Variants in BTD observed in about 807,000 individuals in gnomAD.
BTD encodes biotinidase.
In BTD, 13 loss-of-function variants were observed where a neutral mutation model predicts 17.7. That is an observed-to-expected ratio of 0.74 (90% CI 0.48 to 1.17). The LOEUF is 1.17. Ranked by LOEUF, BTD falls within the 50% of genes most tolerant of loss-of-function variation. The pLI is 0.00. For missense variants in BTD, 674 were observed against 650.4 expected (o/e 1.04, Z -0.39); for synonymous variants, 240 against 245.2 (o/e 0.98, Z 0.20).
downstream of BTD, among the ~76,000 whole-genome samples, chr3:15,716,945 G>C (rs2126125512): frequency 6.6e-6 from 1 of 152,232 alleles, no homozygotes; most frequent in Non-Finnish European, 1.5e-5. Context: ...CTGGTCAACA[G>C]AGTGAGATTC....
chr3:15,722,173 T>A (rs1377323369), exon 5 of BTD, among the ~76,000 whole-genome samples: 1 of 152,128 alleles, frequency 6.6e-6, no homozygotes, highest in Admixed American at 6.5e-5. Flanking sequence ...TCTAAGATAT[T>A]CCTGATAAAA....
intron 1 of BTD, among the ~76,000 whole-genome samples, chr3:15,626,208 A>C (rs955663784): frequency 7.2e-5 from 11 of 152,114 alleles, no homozygotes; most frequent in East Asian, 3.8e-4. Context: ...AACCTCCCCC[A>C]CCACCACCAC....
chr3:15,618,344 C>G (rs1238879218), intron 1 of BTD, among the ~76,000 whole-genome samples: 2 of 152,140 alleles, frequency 1.3e-5, no homozygotes, highest in Non-Finnish European at 2.9e-5. Flanking sequence ...ATCTATAGAT[C>G]AAGTTGTTCG....
chr3:15,711,407 C>T, exon 4 of BTD: 1 of 654,082 alleles, frequency 1.5e-6, no homozygotes, highest in Non-Finnish European at 2.6e-6. Context: ...TGCTAGAGTG[C>T]CTGTTTAAAA....
At chr3:15,676,245 A>C in intron 3 of BTD, 2 of 360,172 alleles carry the variant, frequency 5.6e-6, no homozygotes, top group Non-Finnish European at 4.9e-6. Flanking sequence ...CCTTCACCCA[A>C]TCCTTTTGTT....
chr3:15,662,560 T>C (rs2065935031), intron 3 of BTD, among the ~76,000 whole-genome samples: 1 of 152,252 alleles, frequency 6.6e-6, no homozygotes, highest in Non-Finnish European at 1.5e-5. Flanking sequence ...GTTTTACTTC[T>C]TCCTTTCTAA....
chr3:15,606,950 G>GT (rs1491063044), intron 1 of BTD: 7 of 121,534 alleles, frequency 5.8e-5, no homozygotes, highest in African/African-American at 9.7e-5. Flanking sequence ...TGTTGTTTTT[G>GT]GTTTTTTTTT....
At position 15,647,980 on chromosome 3, in the gene BTD, C is replaced by G. The variant is rs2065732980; in HGVS notation, c.*2492C>G. ...CTCAAGACACAGGCCTGTCCAGAGC[C>G]CCTGCTGAGGGAAACCCACCCAGGC... On this transcript the variant is annotated 3_prime_UTR_variant, in exon 4 of 4. Transcript: ENST00000643237. Among the ~76,000 whole-genome samples, 1 of 152,192 alleles carries G rather than the reference C, an allele frequency of 6.6e-6. No individual in the cohort carries two copies. Among genetic ancestry groups the G allele is most frequent in the Non-Finnish European group, 1.5e-5 (1 of 68,030 alleles).
rs780655352 is a variant in BTD, at chr3:15,644,932, G to T, written c.1016G>T (p.Ser339Ile). ...NATGETDPSH[S>I]KFLKILSGDP... ...ACAGGTGAAACGGACCCATCCCATA[G>T]TAAGTTTTTAAAAATTTTGTCAGGC... is the stretch of plus-strand genomic sequence containing the variant. The change falls in exon 4 of 4, where the codon AGT becomes ATT. Residue 339 changes from serine (S) to isoleucine (I), a missense_variant. Transcript: ENST00000643237. 6 of 1,614,174 alleles carry T rather than the reference G, an allele frequency of 3.7e-6. No homozygotes were observed. The highest frequency in any genetic ancestry group is 4.2e-6 in the Non-Finnish European group (5 of 1,180,028).
chr3:15,692,505 A>G (rs753435866), intron 3 of BTD, among the ~76,000 whole-genome samples: 14 of 152,192 alleles, frequency 9.2e-5, no homozygotes, highest in Non-Finnish European at 1.9e-4. Context: ...AATAAATGGG[A>G]GCCATGATGA....
downstream of BTD, chr3:15,714,714 G>T: frequency 2.4e-6 from 3 of 1,226,450 alleles, no homozygotes; most frequent in Non-Finnish European, 2.2e-6. Flanking sequence ...GTAAACCTTA[G>T]TTTTACTTTG....
chr3:15,717,245 C>T (rs1398157973), downstream of BTD, among the ~76,000 whole-genome samples: 6 of 152,078 alleles, frequency 3.9e-5, no homozygotes, highest in Admixed American at 3.9e-4. Flanking sequence ...CCGAAGGTAG[C>T]TGGGACTAAA....
chr3:15,713,646 A>C, downstream of BTD: 1 of 1,582,324 alleles, frequency 6.3e-7, no homozygotes, highest in Non-Finnish European at 8.6e-7. Context: ...CAGCTCCTGC[A>C]ATATAGGACT....
At chr3:15,601,953 C>A in intron 1 of BTD, 59 bp downstream of exon 1, 1 of 1,596,700 alleles carries the variant, frequency 6.3e-7, no homozygotes, top group African/African-American at 1.3e-5. Context: ...CGGTCCAGAC[C>A]CCGCCCCGGG....
chr3:15,622,282 T>G (rs753060263), intron 1 of BTD, among the ~76,000 whole-genome samples: 1 of 152,234 alleles, frequency 6.6e-6, no homozygotes, highest in Non-Finnish European at 1.5e-5. Flanking sequence ...TTTTGTACAT[T>G]TCTCTTGAGA....
At chr3:15,640,580 G>A (rs1380270702) in intron 2 of BTD, among the ~76,000 whole-genome samples, 3 of 151,940 alleles carry the variant, frequency 2.0e-5, no homozygotes, top group African/African-American at 4.8e-5. Flanking sequence ...TAGTAGAGAC[G>A]GGGTTTCATC....
At chr3:15,674,412 A>T (rs542931315) in intron 3 of BTD, among the ~76,000 whole-genome samples, 17 of 152,058 alleles carry the variant, frequency 1.1e-4, no homozygotes, top group Non-Finnish European at 2.1e-4. Context: ...TAAGAATGAG[A>T]ATTGTCTTCA....
At chr3:15,660,864 G>C (rs2065914573) in intron 3 of BTD, among the ~76,000 whole-genome samples, 1 of 152,052 alleles carries the variant, frequency 6.6e-6, no homozygotes, top group Non-Finnish European at 1.5e-5. Flanking sequence ...TAAATTCCCA[G>C]GAGTAGGATT....
At position 15,720,862 on chromosome 3, in the gene BTD, T is replaced by TTAAA. The variant is rs2073654786; in HGVS notation, c.1016-907_1016-906insAAAT. ...TGCTCAATGGTATTCACCATTGATG[T>TTAAA]TGTTTTAACAGTGACATATGAAATA... On this transcript the variant is annotated intron_variant, in intron 4 of 4. Transcript: ENST00000672427. The TTAAA allele has an allele frequency of 8.6e-6, 13 of 1,505,862 alleles. No individual in the cohort carries two copies. The Admixed American group carries it at 2.5e-4, about 29-fold the overall frequency. The allele number at this position is 1,505,862 out of a possible 1,614,324, so 93.3% of individuals were successfully genotyped here.
Sources: allele counts gnomAD v4.1 joint callset (sites outside exome capture counted in the v4.1 genomes callset), GRCh38; gene constraint gnomAD v4.1.1; transcripts MANE v1.5; gene names NCBI Gene and HGNC (gene_info 2026-07-23, HGNC 2026-07-21).